Variants in TMEM236 observed in about 807,000 individuals in gnomAD.
TMEM236 encodes the protein transmembrane protein 236.
Under a neutral mutation model 14.7 loss-of-function variants are expected in TMEM236, and 11 were observed. The ratio of observed to expected loss-of-function variants is 0.75; its 90% CI spans 0.47 to 1.24. TMEM236 has a LOEUF of 1.24. TMEM236 is among the 50% of genes most tolerant of loss of function. The pLI is 0.00. For synonymous variants in TMEM236, 182 were observed against 168.6 expected, an observed-to-expected ratio of 1.08 and a Z score of -0.62; for missense variants, 464 against 427.3, an observed-to-expected ratio of 1.09 and a Z score of -0.76.
intron 3 of TMEM236, among the ~76,000 whole-genome samples, chr10:17,785,557 C>G (rs1462856113): frequency 1.3e-5 from 2 of 150,354 alleles, no homozygotes; most frequent in Admixed American, 6.6e-5. Flanking sequence ...AGGAAACAAA[C>G]AAACAAAAAA....
chr10:17,775,456 A>G (rs917390590), intron 2 of TMEM236, among the ~76,000 whole-genome samples: 2 of 152,056 alleles, frequency 1.3e-5, no homozygotes, highest in Non-Finnish European at 2.9e-5. Flanking sequence ...TAAATTTTTC[A>G]TAGACTTGGG....
intron 1 of TMEM236, among the ~76,000 whole-genome samples, chr10:17,756,102 A>C (rs1230643268): frequency 6.6e-6 from 1 of 152,126 alleles, no homozygotes; most frequent in African/African-American, 2.4e-5. Context: ...CCTCGTCTCT[A>C]CAAAACATTA....
intron 1 of TMEM236, among the ~76,000 whole-genome samples, chr10:17,766,123 G>C (rs966373235): frequency 5.3e-5 from 8 of 152,172 alleles, no homozygotes; most frequent in African/African-American, 1.9e-4. Flanking sequence ...AAATCTTCAA[G>C]TTCTAGTTCC....
rs1837690944 is a variant in TMEM236 at position 17,778,218 on chromosome 10, G to A, written c.472+2048G>A. Among the ~76,000 whole-genome samples the A allele has an allele frequency of 2.6e-5, 4 of 152,234 alleles. No homozygotes were observed. In the South Asian group the frequency reaches 6.2e-4, roughly 24 times the overall value. The stretch of plus-strand genomic sequence containing the variant: ...TGAGCTGTTCTCCGTCCAAATTTAG[G>A]AAGATTAGTGTCTGGTTTGATAGTT... On this transcript the variant is annotated intron_variant, in intron 3 of 3. Transcript: ENST00000377495.
chr10:17,769,874 A>G (rs1837539415), intron 1 of TMEM236, among the ~76,000 whole-genome samples: 1 of 152,152 alleles, frequency 6.6e-6, no homozygotes, highest in Non-Finnish European at 1.5e-5. Context: ...GTACATGTGC[A>G]TGTTCGTTAC....
chr10:17,791,912 C>G (rs1226869442), intron 3 of TMEM236, among the ~76,000 whole-genome samples: 1 of 152,156 alleles, frequency 6.6e-6, no homozygotes, highest in Admixed American at 6.5e-5. Context: ...TACTTCTGTG[C>G]TATTTGGGAT....
chr10:17,752,874 G>T (rs959001474), intron 1 of TMEM236, among the ~76,000 whole-genome samples: 1 of 152,120 alleles, frequency 6.6e-6, no homozygotes, highest in East Asian at 1.9e-4. Flanking sequence ...GCCTGTAGAA[G>T]AATTCTTTAG....
chr10:17,770,974 G>A (rs1373395801), intron 1 of TMEM236, among the ~76,000 whole-genome samples: 1 of 152,292 alleles, frequency 6.6e-6, no homozygotes, highest in Non-Finnish European at 1.5e-5. Context: ...CATTTATTCA[G>A]TTGGTCACTA....
chr10:17,763,211 G>A (rs1837405251), intron 1 of TMEM236, among the ~76,000 whole-genome samples: 1 of 152,098 alleles, frequency 6.6e-6, no homozygotes, highest in African/African-American at 2.4e-5. Context: ...CACAGACTTG[G>A]TAGGCTGAGG....
intron 1 of TMEM236, among the ~76,000 whole-genome samples, chr10:17,755,749 G>A (rs1211015270): frequency 1.3e-5 from 2 of 152,064 alleles, no homozygotes; most frequent in Admixed American, 1.3e-4. Flanking sequence ...TAAACCAATG[G>A]GAAACTGGCC....
At chr10:17,761,898 G>A (rs1209684147) in intron 1 of TMEM236, among the ~76,000 whole-genome samples, 1 of 152,124 alleles carries the variant, frequency 6.6e-6, no homozygotes, top group East Asian at 1.9e-4. Flanking sequence ...ACTTTCTGTG[G>A]CTCTTCGTAG....
intron 3 of TMEM236, among the ~76,000 whole-genome samples, chr10:17,785,274 C>T (rs995905427): frequency 2.0e-5 from 3 of 152,196 alleles, no homozygotes; most frequent in Non-Finnish European, 2.9e-5. Flanking sequence ...TATACATATG[C>T]ATGAGCTCTA....
rs1554836765 is a variant in TMEM236, at chr10:17,800,847, T to G, written c.*4343T>G. 6.6e-6 allele frequency: 1 copy of G among 152,218 alleles called. No individual in the cohort carries two copies. Among genetic ancestry groups the G allele is most frequent in the African/African-American group, 2.4e-5 (1 of 41,456 alleles). The allele number at this position is 152,218 out of a possible 1,614,324, so 9.4% of individuals were successfully genotyped here. A position where few individuals can be genotyped will look rare whatever the true frequency, so the allele number is the denominator to read the frequency against. On this transcript the variant is annotated 3_prime_UTR_variant, in exon 4 of 4. Transcript: ENST00000377495. The stretch of plus-strand genomic sequence containing the variant: ...AATGGGGCTGTTTTTACATGTTAAT[T>G]AAAATTCTATGTTTAAACAAATCTC...
intron 2 of TMEM236, 61 bp downstream of exon 2, chr10:17,771,442 G>A: frequency 6.5e-7 from 1 of 1,537,990 alleles, no homozygotes. Flanking sequence ...TCTTGTTATT[G>A]GAATTTGATA....
At chr10:17,786,349 T>G (rs1417171450) in intron 3 of TMEM236, among the ~76,000 whole-genome samples, 2 of 152,198 alleles carry the variant, frequency 1.3e-5, no homozygotes, top group Non-Finnish European at 2.9e-5. Context: ...GCATAATGTG[T>G]GGATGTTCTT....
Position 17,800,528 on chromosome 10 carries a change from C to T in TMEM236, c.*4024C>T, listed in dbSNP as rs1263335560. ...CTCGTCTTGTTTTTCTTATTAGGGC[C>T]CCATTTCACTGAATGACAATTGCAA... On this transcript the variant is annotated 3_prime_UTR_variant, in exon 4 of 4. Coordinates refer to ENST00000377495, the MANE Select transcript of TMEM236 (RefSeq NM_001098844.3). 6.6e-6 allele frequency: 1 copy of T among 151,854 alleles called. No homozygotes were observed. The highest frequency in any genetic ancestry group is 1.5e-5 in the Non-Finnish European group (1 of 67,990). 9.4% of individuals were successfully genotyped at this position (151,854 alleles called of 1,614,324 possible). A position where few individuals can be genotyped will look rare whatever the true frequency, so the allele number is the denominator to read the frequency against.
At chr10:17,776,925 A>C (rs1362667469) in intron 3 of TMEM236, among the ~76,000 whole-genome samples, 2 of 152,188 alleles carry the variant, frequency 1.3e-5, no homozygotes, top group Non-Finnish European at 2.9e-5. Flanking sequence ...GCTTTCATTA[A>C]ATTTCTTGCG....
chr10:17,776,149 C>G lies in TMEM236; in HGVS notation c.451C>G (p.Pro151Ala). 1.2e-6 allele frequency: 2 copies of G among 1,613,252 alleles called. No homozygotes were observed. The highest frequency in any genetic ancestry group is 2.2e-5 in the South Asian group (2 of 91,040). The change falls in exon 3 of 4, where the codon CCT becomes GCT. Residue 151 changes from proline to alanine, a missense_variant. By Grantham distance (27) the Pro-to-Ala change is conservative (BLOSUM62 -1). Transcript: ENST00000377495. ...VDIIEKLRIY[P>A]LRGSQKSSEN... ...TATTATTGAAAAACTCAGGATATAT[C>G]CTCTTAGAGGGAGTCAAAAGAGTAA...
At chr10:17,756,152 A>C (rs997627573) in intron 1 of TMEM236, among the ~76,000 whole-genome samples, 4 of 152,176 alleles carry the variant, frequency 2.6e-5, no homozygotes, top group Non-Finnish European at 5.9e-5. Context: ...CTGTAGTCCC[A>C]GCTATTCAAG....
Sources: allele counts gnomAD v4.1 joint callset (sites outside exome capture counted in the v4.1 genomes callset), GRCh38; gene constraint gnomAD v4.1.1; transcripts MANE v1.5; gene names NCBI Gene and HGNC (gene_info 2026-07-23, HGNC 2026-07-21).